The following NLGN1 variants were observed in gnomAD, a reference collection of about 807,000 sequenced individuals.
NLGN1 encodes the protein neuroligin 1.
Under a neutral mutation model 65.5 loss-of-function variants are expected in NLGN1, and 12 were observed. The ratio of observed to expected loss-of-function variants is 0.18; its 90% CI spans 0.12 to 0.30. The LOEUF (loss-of-function observed/expected upper bound fraction) is 0.30. Ranked by LOEUF, NLGN1 falls within the 10% of genes least tolerant of loss-of-function variation. The pLI is 1.00. For missense variants in NLGN1, 750 were observed against 1,007.1 expected, an observed-to-expected ratio of 0.74 and a Z score of 3.46; for synonymous variants, 350 against 359.5, an observed-to-expected ratio of 0.97 and a Z score of 0.30.
chr3:173,815,694 C>T (rs1718898605), intron 4 of NLGN1, among the ~76,000 whole-genome samples: 1 of 152,152 alleles, frequency 6.6e-6, no homozygotes, highest in South Asian at 2.1e-4. Flanking sequence ...ATCCTTCTCT[C>T]TCTATGATAC....
chr3:173,952,809 C>T (rs1168556448), intron 4 of NLGN1, among the ~76,000 whole-genome samples: 1 of 143,716 alleles, frequency 7.0e-6, no homozygotes, highest in Non-Finnish European at 1.5e-5. Flanking sequence ...AGAGTTTTCA[C>T]TCTTGTCACC....
At chr3:174,198,866 T>G (rs1733935752) in intron 4 of NLGN1, among the ~76,000 whole-genome samples, 1 of 128,798 alleles carries the variant, frequency 7.8e-6, no homozygotes, top group African/African-American at 3.1e-5. Context: ...TTTTTTTTTT[T>G]GAGACGGAGT....
intron 4 of NLGN1, among the ~76,000 whole-genome samples, chr3:173,951,016 G>A (rs555887636): frequency 9.9e-5 from 15 of 151,932 alleles, no homozygotes; most frequent in African/African-American, 3.6e-4. Flanking sequence ...ACAGGAGTGC[G>A]CCACCATGCC....
chr3:173,431,997 A>G (rs941372188), intron 1 of NLGN1, among the ~76,000 whole-genome samples: 6 of 152,324 alleles, frequency 3.9e-5, no homozygotes, highest in South Asian at 2.1e-4. Flanking sequence ...ACAATTTCAT[A>G]TTGAATTCTT....
the NLGN1 span, among the ~76,000 whole-genome samples, chr3:174,293,789 A>C: frequency 1.3e-5 from 2 of 151,670 alleles, no homozygotes; most frequent in African/African-American, 4.8e-5. Context: ...CTATACAATA[A>C]AATTAAAACT....
intron 3 of NLGN1, among the ~76,000 whole-genome samples, chr3:173,701,104 G>C (rs906991030): frequency 1.3e-5 from 2 of 152,130 alleles, no homozygotes; most frequent in Admixed American, 1.3e-4. Flanking sequence ...ACTCCAGCCT[G>C]GGTGACACAG....
chr3:173,804,311 T>G (rs550928486), intron 3 of NLGN1, among the ~76,000 whole-genome samples: 1 of 152,290 alleles, frequency 6.6e-6, no homozygotes, highest in East Asian at 1.9e-4. Context: ...CTGAGTGTGT[T>G]CTTGTGATTT....
chr3:174,038,475 T>G (rs1731603494), intron 4 of NLGN1, among the ~76,000 whole-genome samples: 1 of 152,198 alleles, frequency 6.6e-6, no homozygotes. Context: ...AAAAGGATTC[T>G]CAGCAGCAAG....
intron 4 of NLGN1, among the ~76,000 whole-genome samples, chr3:173,854,451 T>C (rs1010539972): frequency 1.3e-5 from 2 of 152,238 alleles, no homozygotes; most frequent in African/African-American, 4.8e-5. Flanking sequence ...ATGAATCTAT[T>C]CTCAGCTTTC....
chr3:173,976,073 T>C lies in NLGN1; in HGVS notation c.646+168241T>C, dbSNP rs184182394. ...ACTGAGTGATATGCACTGTGTACAA[T>C]TGGAGTTGTGGAGATAACATAAATA... On this transcript the variant is annotated intron_variant, in intron 4 of 6. Coordinates refer to ENST00000457714, the Ensembl canonical transcript of NLGN1. Among the ~76,000 whole-genome samples the C allele has an allele frequency of 1.9e-4, 29 of 152,168 alleles. No homozygotes were observed. The East Asian group carries it at 4.6e-3, about 24-fold the overall frequency.
At chr3:173,845,083 A>G (rs1040373463) in intron 4 of NLGN1, among the ~76,000 whole-genome samples, 3 of 152,216 alleles carry the variant, frequency 2.0e-5, no homozygotes, top group African/African-American at 7.2e-5. Context: ...CTTAAAAGAT[A>G]GTGGTTTTCA....
intron 3 of NLGN1, among the ~76,000 whole-genome samples, chr3:173,680,627 G>A (rs1295639649): frequency 2.0e-5 from 3 of 152,108 alleles, no homozygotes; most frequent in Middle Eastern, 3.2e-3. Flanking sequence ...TATGATTCTT[G>A]TGTTTGCTCA....
At chr3:173,573,334 G>T (rs1744952955) in intron 2 of NLGN1, among the ~76,000 whole-genome samples, 1 of 152,128 alleles carries the variant, frequency 6.6e-6, no homozygotes, top group African/African-American at 2.4e-5. Flanking sequence ...TACAGAGGAT[G>T]CATTCAACAA....
chr3:173,594,064 A>G (rs955148292), intron 2 of NLGN1, among the ~76,000 whole-genome samples: 2 of 152,144 alleles, frequency 1.3e-5, no homozygotes, highest in African/African-American at 2.4e-5. Context: ...GAGCCATACC[A>G]TGTCATTCTG....
At chr3:173,420,974 T>G (rs184957540) in intron 1 of NLGN1, among the ~76,000 whole-genome samples, 4 of 152,338 alleles carry the variant, frequency 2.6e-5, no homozygotes, top group African/African-American at 9.6e-5. Context: ...TATCAGGTAG[T>G]ACAAGCCCTG....
chr3:173,800,906 A>G (rs927632900), intron 3 of NLGN1, among the ~76,000 whole-genome samples: 30 of 152,118 alleles, frequency 2.0e-4, no homozygotes, highest in African/African-American at 7.2e-4. Context: ...TGTCACATAA[A>G]TGCAATTAAA....
chr3:174,100,663 AT>A (rs1433352592), intron 4 of NLGN1, among the ~76,000 whole-genome samples: 1 of 151,966 alleles, frequency 6.6e-6, no homozygotes. Context: ...CAGGCTTCAC[AT>A]AGGCTGCAGT....
intron 1 of NLGN1, among the ~76,000 whole-genome samples, chr3:173,413,535 G>T (rs1169407593): frequency 8.5e-5 from 13 of 152,270 alleles, no homozygotes; most frequent in African/African-American, 2.4e-4. Context: ...AGGAGGCAGA[G>T]GTTGCAGTGA....
At chr3:174,032,744 G>A (rs1039837352) in intron 4 of NLGN1, among the ~76,000 whole-genome samples, 3 of 152,120 alleles carry the variant, frequency 2.0e-5, no homozygotes, top group African/African-American at 2.4e-5. Context: ...AATAATCATT[G>A]TAAAAACACC....
Sources: gnomAD v4.1 joint callset for allele counts (sites outside exome capture counted in the v4.1 genomes callset) on GRCh38, gnomAD v4.1.1 for gene constraint, MANE v1.5 for transcripts, NCBI Gene and HGNC (gene_info 2026-07-23, HGNC 2026-07-21) for gene names.